The following MMP2 variants were observed in gnomAD, a reference collection of about 807,000 sequenced individuals.
MMP2 encodes the protein 72 kDa type IV collagenase.
In MMP2, 39 loss-of-function variants were observed where a neutral mutation model predicts 74.8. That is an observed-to-expected ratio of 0.52 (90% CI 0.40 to 0.68). MMP2 has a LOEUF of 0.68. Among genes scored for constraint, MMP2 ranks in the 30% least tolerant of loss-of-function variants. The pLI is 0.00. For missense variants in MMP2, 803 were observed against 878.3 expected (o/e 0.91, Z 1.08); for synonymous variants, 367 against 339.8 (o/e 1.08, Z -0.88).
intron 1 of MMP2, among the ~76,000 whole-genome samples, chr16:55,482,099 T>C (rs999402695): frequency 3.3e-5 from 5 of 152,166 alleles, no homozygotes; most frequent in African/African-American, 9.7e-5. Flanking sequence ...AGAGACAGAA[T>C]TGTCTATCTT....
Position 55,484,039 on chromosome 16 carries a change from T to C in MMP2, c.404T>C (p.Leu135Pro). Residue 135 changes from leucine to proline, a missense_variant, in exon 3 of 13, where the codon CTG (leucine) becomes CCG (proline). Around this residue, in one of 3 missense-constraint regions of MMP2, gnomAD observed 223 missense variants for 232.8 expected, o/e 0.96. Coordinates refer to ENST00000219070, the MANE Select transcript of MMP2 (RefSeq NM_004530.6). The part of the protein sequence containing the change: ...TYRIIGYTPD[L>P]DPETVDDAFA... ...AGGATCATTGGCTACACACCTGATC[T>C]GGACCCAGAGACAGTGGATGATGCC... 4 of 1,614,234 alleles carry C rather than the reference T, an allele frequency of 2.5e-6. No individual in the cohort carries two copies. Among genetic ancestry groups the C allele is most frequent in the Non-Finnish European group, 3.4e-6 (4 of 1,180,040 alleles).
At chr16:55,491,090 C>T (rs12919236) in intron 7 of MMP2, among the ~76,000 whole-genome samples, 51,117 of 147,392 alleles carry the variant, frequency 0.35, 9,970 homozygotes, top group Non-Finnish European at 0.44. Context: ...TTTTTTGAGA[C>T]GGAGTCTTGC....
rs1438133900 is a variant in MMP2 at position 55,479,643 on chromosome 16, G to C, written c.153+11G>C. 4 of 1,613,728 alleles carry C rather than the reference G, an allele frequency of 2.5e-6. No individual in the cohort carries two copies. Among genetic ancestry groups the C allele is most frequent in the Admixed American group, 1.7e-5 (1 of 60,036 alleles). On this transcript the variant is annotated intron_variant, in intron 1 of 12. Coordinates refer to ENST00000219070, the MANE Select transcript of MMP2 (RefSeq NM_004530.6). ...AAAGAGTTGGCAGTGGTGAGTTGCT[G>C]CGCTGGCCTCAAGGAACCACGTTTA...
intron 8 of MMP2, among the ~76,000 whole-genome samples, chr16:55,492,873 G>A (rs1205665010): frequency 6.6e-6 from 1 of 152,084 alleles, no homozygotes; most frequent in Non-Finnish European, 1.5e-5. Flanking sequence ...ACTTTTCTGG[G>A]CCTCAGTTTC....
intron 4 of MMP2, 47 bp downstream of exon 4, chr16:55,485,474 C>T: frequency 6.2e-7 from 1 of 1,613,902 alleles, no homozygotes; most frequent in Non-Finnish European, 8.5e-7. Context: ...CTCCTGTCCT[C>T]TCTCCACTCC....
rs747847385 is a variant in MMP2, at chr16:55,483,012, C to A, written c.257C>A (p.Thr86Lys). The A allele has an allele frequency of 2.2e-5, 35 of 1,614,074 alleles. No homozygotes were observed. In the South Asian group the frequency reaches 3.8e-4, roughly 18 times the overall value. ...CAGAAGTTCTTTGGACTGCCCCAGA[C>A]AGGTGATCTTGACCAGAATACCATC... is the stretch of plus-strand genomic sequence containing the variant. ...KMQKFFGLPQ[T>K]GDLDQNTIET... Residue 86 changes from threonine (T) to lysine (K), a missense_variant, in exon 2 of 13, where the codon ACA becomes AAA. Physicochemically the swap from Thr to Lys is moderately conservative, Grantham distance 78. This residue lies in a region of MMP2 where 223 missense variants were observed against 232.8 expected (regional missense o/e 0.96). Transcript: ENST00000219070.
chr16:55,482,860 G>A, intron 1 of MMP2, 49 bp from the exon 2 acceptor site: 3 of 1,518,118 alleles, frequency 2.0e-6, no homozygotes, highest in Non-Finnish European at 2.7e-6. Context: ...GGTCAGTACT[G>A]TGCCATCCTA....
chr16:55,502,961 C>T (rs1596830881), intron 12 of MMP2, 73 bp downstream of exon 12: 2 of 1,205,880 alleles, frequency 1.7e-6, no homozygotes, highest in East Asian at 4.7e-5. Flanking sequence ...CTTGCAAATA[C>T]ACACTTCTTT....
chr16:55,479,691 T>TGG, intron 1 of MMP2, 59 bp downstream of exon 1: 1 of 1,608,234 alleles, frequency 6.2e-7, no homozygotes, highest in African/African-American at 1.3e-5. Flanking sequence ...AGGCAAAGGA[T>TGG]GGGGGTGTCT....
intron 6 of MMP2, 147 bp downstream of exon 6, chr16:55,488,863 C>A (rs142607152): frequency 1.2e-6 from 1 of 836,196 alleles, no homozygotes; most frequent in Non-Finnish European, 1.9e-6. Flanking sequence ...CCAAGATGTC[C>A]GTGTAGCTAG....
At chr16:55,485,210 G>T in intron 3 of MMP2, 89 bp from the exon 4 acceptor site, 1 of 1,580,848 alleles carries the variant, frequency 6.3e-7, no homozygotes, top group South Asian at 1.1e-5. Context: ...TGCTGGGTGG[G>T]CTGACAGGCT....
intron 8 of MMP2, 127 bp from the exon 9 acceptor site, chr16:55,493,031 C>T: frequency 8.7e-7 from 1 of 1,150,844 alleles, no homozygotes; most frequent in Non-Finnish European, 1.3e-6. Flanking sequence ...CCTTACGGAG[C>T]TTACACTAAG....
At chr16:55,492,073 G>T in intron 8 of MMP2, 117 bp downstream of exon 8, 2 of 1,010,180 alleles carry the variant, frequency 2.0e-6, no homozygotes, top group Non-Finnish European at 1.5e-6. Flanking sequence ...GAGTGCTGGA[G>T]ACGAGGGCAG....
chr16:55,493,327 T>C lies in MMP2; in HGVS notation c.1472+34T>C, dbSNP rs1246375312. On this transcript the variant is annotated intron_variant, in intron 9 of 12. Transcript: ENST00000219070. ...AGGAGCTTGCTTCTTGTCCTCCTTGTCTCCTGTCCTCTGCTCTTATACCAT... is the reference window on the plus strand; with the variant it reads ...AGGAGCTTGCTTCTTGTCCTCCTTGCCTCCTGTCCTCTGCTCTTATACCAT... 3.7e-6 allele frequency: 6 copies of C among 1,613,506 alleles called. No homozygotes were observed. In the South Asian group the frequency reaches 5.5e-5, roughly 15 times the overall value.
intron 12 of MMP2, 87 bp from the exon 13 acceptor site, chr16:55,505,252 C>T: frequency 9.0e-7 from 1 of 1,107,514 alleles, no homozygotes; most frequent in Non-Finnish European, 1.4e-6. Context: ...TTCCCTATGC[C>T]AGGCAGAAAT....
intron 2 of MMP2, 22 bp from the exon 3 acceptor site, chr16:55,483,994 C>G: frequency 1.2e-6 from 2 of 1,613,200 alleles, no homozygotes; most frequent in East Asian, 2.2e-5. Flanking sequence ...TACACACTCA[C>G]ATGCAGTTCT....
At chr16:55,489,911 A>G in intron 7 of MMP2, 87 bp downstream of exon 7, 1 of 1,461,072 alleles carries the variant, frequency 6.8e-7, no homozygotes, top group Admixed American at 1.9e-5. Flanking sequence ...GACCTCACCC[A>G]CTTCAAGCAT....
chr16:55,480,540 G>A (rs918745166), intron 1 of MMP2: 1 of 152,386 alleles, frequency 6.6e-6, no homozygotes, highest in Non-Finnish European at 1.5e-5. Context: ...TTCAGATGTT[G>A]TCTTGTGAGC....
At chr16:55,478,959 G>C (rs969639721), upstream of MMP2, 4 of 152,552 alleles carry the variant, frequency 2.6e-5, no homozygotes, top group African/African-American at 9.6e-5. Context: ...CCCAGATCGC[G>C]AGAGAGGCAA....
Sources: gnomAD v4.1 joint callset for allele counts (sites outside exome capture counted in the v4.1 genomes callset) on GRCh38, gnomAD v4.1.1 for gene constraint, gnomAD v4.1.1 regional missense constraint, MANE v1.5 for transcripts, NCBI Gene and HGNC (gene_info 2026-07-23, HGNC 2026-07-21) for gene names.